Variants in COL6A3 observed in about 807,000 individuals in gnomAD.
COL6A3 encodes the protein collagen type VI alpha 3 chain, also known as collagen alpha-3(VI) chain.
In COL6A3, 137 loss-of-function variants were observed where a neutral mutation model predicts 274.1. The ratio of observed to expected loss-of-function variants is 0.50; its 90% confidence interval spans 0.44 to 0.58. The LOEUF (loss-of-function observed/expected upper bound fraction) is 0.58. Ranked by LOEUF, COL6A3 falls within the 20% of genes least tolerant of loss-of-function variation. The pLI is 0.00. For synonymous variants in COL6A3, 1,650 were observed against 1,650.6 expected (o/e 1.00, Z 0.01); for missense variants, 3,950 against 4,124.9 (o/e 0.96, Z 1.16).
chr2:237,336,402 T>G lies in COL6A3; in HGVS notation c.8698A>C (p.Ile2900Leu), dbSNP rs1553544853. 1 of 1,614,276 alleles carries G rather than the reference T, an allele frequency of 6.2e-7. No individual in the cohort carries two copies. Among genetic ancestry groups the G allele is most frequent in the Non-Finnish European group, 8.5e-7 (1 of 1,180,050 alleles). ...GCTGGCTTCACAGATGGCTGATTTA[T>G]AATAGTCACAGGCTTTGTTGTGGTG... is the stretch of plus-strand genomic sequence containing the variant. Reference protein sequence around the residue: ...VTTTTKPVTIINQPSVKPAAA... With the variant: ...VTTTTKPVTILNQPSVKPAAA... The change falls in exon 40 of 44, where the codon ATA becomes CTA. Residue 2900 changes from isoleucine (I) to leucine (L), a missense_variant. Ile to Leu is a conservative substitution (Grantham distance 5). Coordinates refer to ENST00000295550, the MANE Select transcript of COL6A3 (RefSeq NM_004369.4).
chr2:237,351,004 G>A, intron 27 of COL6A3, 126 bp downstream of exon 27: 4 of 873,590 alleles, frequency 4.6e-6, no homozygotes, highest in Non-Finnish European at 7.8e-6. Context: ...GATCAACAGG[G>A]GAGGCTGGAG....
intron 6 of COL6A3, 112 bp downstream of exon 6, chr2:237,378,524 A>C (rs759052912): frequency 2.3e-5 from 34 of 1,480,374 alleles, no homozygotes; most frequent in Non-Finnish European, 2.9e-5. Flanking sequence ...AATGGAAGGG[A>C]GCCAATTGTC....
At chr2:237,357,909 G>A (rs200520181) in intron 21 of COL6A3, 27 bp from the exon 22 acceptor site, 1 of 1,606,308 alleles carries the variant, frequency 6.2e-7, no homozygotes, top group Non-Finnish European at 8.5e-7. Context: ...AAAGGGAAAT[G>A]AGCCACATAT....
intron 1 of COL6A3, among the ~76,000 whole-genome samples, chr2:237,409,256 A>AT (rs2078794682): frequency 6.6e-6 from 1 of 152,058 alleles, no homozygotes; most frequent in African/African-American, 2.4e-5. Context: ...TGTCTTAGTC[A>AT]TTTTTTTAAT....
Position 237,395,110 on chromosome 2 carries a change from T to C in COL6A3, c.186A>G (p.Leu62=), listed in dbSNP as rs773733833. 21 of 1,613,978 alleles carry C rather than the reference T, an allele frequency of 1.3e-5. No homozygotes were observed. Among genetic ancestry groups the C allele is most frequent in the Admixed American group, 5.0e-5 (3 of 60,008 alleles). Residue 62 remains leucine, a synonymous_variant, in exon 3 of 44, where the codon CTA becomes CTG. Transcript: ENST00000295550. ...EEHFQLVREF[L]YDVVKSLAVG... ...CAGCTAAGGATTTTACAACATCATA[T>C]AGAAACTCTCGAACAAGTTGGAAAT...
intron 22 of COL6A3, 40 bp downstream of exon 22, chr2:237,357,777 C>T (rs746695733): frequency 2.5e-6 from 4 of 1,604,438 alleles, no homozygotes; most frequent in Middle Eastern, 3.4e-4. Flanking sequence ...TTTCTCTTGC[C>T]CTCAGTACAG....
rs1289449550 is a variant in COL6A3, at chr2:237,344,160, G to A, written c.7668+190C>T. 2.5e-5 allele frequency: 20 copies of A among 795,818 alleles called. No individual in the cohort carries two copies. Among genetic ancestry groups the A allele is most frequent in the Admixed American group, 9.0e-5 (5 of 55,584 alleles). 49.3% of individuals were successfully genotyped at this position (795,818 alleles called of 1,614,324 possible). ...GGGGCAGTGCTACAAGCATGTAGGC[G>A]TCCCTGTAGTGCTGGAGCCACGAGG... On this transcript the variant is annotated intron_variant, in intron 36 of 43. Transcript: ENST00000295550. The surrounding 1 kb of genome is among the most constrained non-coding windows in gnomAD (Gnocchi z 4.8).
chr2:237,376,021 C>T (rs1284395991), intron 7 of COL6A3, among the ~76,000 whole-genome samples: 1 of 152,160 alleles, frequency 6.6e-6, no homozygotes, highest in Non-Finnish European at 1.5e-5. Context: ...GAGATGGCAG[C>T]ACCTGCACAA....
In COL6A3 at chr2:237,388,129, A is replaced by T. The variant is rs2078199052; in HGVS notation, c.765T>A (p.Ser255Arg). 1 of 1,614,058 alleles carries T rather than the reference A, an allele frequency of 6.2e-7. No homozygotes were observed. The highest frequency in any genetic ancestry group is 1.3e-5 in the African/African-American group (1 of 74,928). The change falls in exon 4 of 44, where the codon AGT becomes AGA. Residue 255 changes from serine (S) to arginine (R), a missense_variant. Coordinates refer to ENST00000295550, the MANE Select transcript of COL6A3 (RefSeq NM_004369.4). ...AGTCGAGAATGACTGCGAAATTGAC[A>T]CTTCCGGTGTTGTTTGATCCATCAA... is the stretch of plus-strand genomic sequence containing the variant. ...FLIDGSNNTG[S>R]VNFAVILDFL...
intron 24 of COL6A3, 145 bp from the exon 25 acceptor site, chr2:237,353,548 G>A (rs945246870): frequency 3.5e-5 from 25 of 715,674 alleles, no homozygotes; most frequent in Admixed American, 8.1e-5. Flanking sequence ...TGATCAAAGC[G>A]GTAACCCCAG....
At chr2:237,397,172 G>A (rs1213936522) in intron 1 of COL6A3, among the ~76,000 whole-genome samples, 1 of 144,070 alleles carries the variant, frequency 6.9e-6, no homozygotes, top group Non-Finnish European at 1.5e-5. Context: ...AGGGAAGGGA[G>A]AAGAGAAGGA....
At position 237,352,513 on chromosome 2, in the gene COL6A3, C is replaced by A. The variant is rs767344070; in HGVS notation, c.6753+9G>T. On this transcript the variant is annotated intron_variant, in intron 26 of 43. Coordinates refer to ENST00000295550, the MANE Select transcript of COL6A3 (RefSeq NM_004369.4). The stretch of plus-strand genomic sequence containing the variant: ...GCTAGAGAGGGGGCTGGTATTAGGA[C>A]AGGCTTACCCGAGGTCCAGAAATGC... 1 of 1,609,958 alleles carries A rather than the reference C, an allele frequency of 6.2e-7. No homozygotes were observed. The highest frequency in any genetic ancestry group is 1.3e-5 in the African/African-American group (1 of 74,854).
chr2:237,395,300 A>G (rs2078409550), intron 2 of COL6A3, 96 bp from the exon 3 acceptor site: 3 of 1,273,228 alleles, frequency 2.4e-6, no homozygotes, highest in East Asian at 2.4e-5. Flanking sequence ...TTTACACTAT[A>G]CTGCTACTAA....
In COL6A3 at chr2:237,344,031, T is replaced by G; in HGVS notation, c.7668+319A>C. On this transcript the variant is annotated intron_variant, in intron 36 of 43. Coordinates refer to ENST00000295550, the MANE Select transcript of COL6A3 (RefSeq NM_004369.4). This position sits in a 1 kb window ranked among gnomAD's most constrained non-coding sequence, Gnocchi z 4.8. ...AAGGATGCAAACGTCCAGGTCCTCA[T>G]GAATAAAGCAAACAAGTCACACCAC... is the stretch of plus-strand genomic sequence containing the variant. 3 of 425,918 alleles carry G rather than the reference T, an allele frequency of 7.0e-6. No homozygotes were observed. The highest frequency in any genetic ancestry group is 1.3e-5 in the Non-Finnish European group (3 of 227,786). The allele number at this position is 425,918 out of a possible 1,614,324, so 26.4% of individuals were successfully genotyped here. A position where few individuals can be genotyped will look rare whatever the true frequency, so the allele number is the denominator to read the frequency against.
At chr2:237,403,968 TA>T (rs373585691) in intron 1 of COL6A3, among the ~76,000 whole-genome samples, 1,878 of 142,050 alleles carry the variant, frequency 0.013, 32 homozygotes, top group African/African-American at 0.04. Context: ...TTTCTTCAAA[TA>T]AAAAAAAAAA....
In COL6A3 at chr2:237,387,985, G is replaced by A. The variant is rs910034037; in HGVS notation, c.909C>T (p.Ala303=). Residue 303 remains alanine, a synonymous_variant, in exon 4 of 44, where the codon GCC becomes GCT. Coordinates refer to ENST00000295550, the MANE Select transcript of COL6A3 (RefSeq NM_004369.4). ...MFSLDTYSTK[A]QVLGAVKALG... ...GGGCTTTCACTGCACCCAGAACCTG[G>A]GCCTTGGTGGAGTAGGTGTCCAAGG... 3 of 1,614,200 alleles carry A rather than the reference G, an allele frequency of 1.9e-6. No individual in the cohort carries two copies. The highest frequency in any genetic ancestry group is 1.3e-5 in the African/African-American group (1 of 75,054).
Position 237,334,686 on chromosome 2 carries a change from C to G in COL6A3, c.9169G>C (p.Ala3057Pro). The G allele has an allele frequency of 6.2e-7, 1 of 1,613,888 alleles. No homozygotes were observed. Among genetic ancestry groups the G allele is most frequent in the Non-Finnish European group, 8.5e-7 (1 of 1,180,038 alleles). ...GLLAGQTYHVAVVCYLRSQVR... is the reference protein window; with the variant it reads ...GLLAGQTYHVPVVCYLRSQVR... ...TGAGACCTCAGGTAGCAGACCACAG[C>G]CACATGGTATGTCTGCCCAGCGAGC... is the stretch of plus-strand genomic sequence containing the variant. Residue 3057 changes from alanine (A) to proline (P), a missense_variant, in exon 41 of 44, where the codon GCT becomes CCT. Transcript: ENST00000295550.
At chr2:237,340,397 C>G in intron 38 of COL6A3, 55 bp downstream of exon 38, 1 of 1,531,034 alleles carries the variant, frequency 6.5e-7, no homozygotes, top group East Asian at 2.3e-5. Flanking sequence ...CTACACTTCT[C>G]CTGGCCCGAG....
intron 21 of COL6A3, among the ~76,000 whole-genome samples, chr2:237,358,197 T>A (rs1215661251): frequency 5.3e-5 from 8 of 152,204 alleles, no homozygotes; most frequent in African/African-American, 1.9e-4. Context: ...GTACTGCTCA[T>A]TTGCTTAAAC....
Sources: gnomAD v4.1 joint callset for allele counts (sites outside exome capture counted in the v4.1 genomes callset) on GRCh38, gnomAD v4.1.1 for gene constraint, Gnocchi (gnomAD v3.1) non-coding constraint, MANE v1.5 for transcripts, NCBI Gene and HGNC (gene_info 2026-07-23, HGNC 2026-07-21) for gene names.